Variants in ACACB observed in about 807,000 individuals in gnomAD.
ACACB encodes acetyl-CoA carboxylase beta.
A neutral mutation model predicts 278.8 loss-of-function variants in ACACB; 209 were observed. That is an observed-to-expected ratio of 0.75 (90% CI 0.67 to 0.84). ACACB has a LOEUF of 0.84. Ranked by LOEUF, ACACB falls within the 40% of genes least tolerant of loss-of-function variation. ACACB has a pLI of 0.00. For synonymous variants in ACACB, 1,174 were observed against 1,285.6 expected, an observed-to-expected ratio of 0.91 and a Z score of 1.86; for missense variants, 2,850 against 3,269.0, an observed-to-expected ratio of 0.87 and a Z score of 3.13.
chr12:109,236,793 G>T (rs1430434139), intron 33 of ACACB, among the ~76,000 whole-genome samples: 1 of 151,310 alleles, frequency 6.6e-6, no homozygotes, highest in Non-Finnish European at 1.5e-5. Flanking sequence ...TTTCTTTTCG[G>T]GGACCAATTT....
chr12:109,165,381 G>C (rs1266003379), intron 2 of ACACB, among the ~76,000 whole-genome samples: 1 of 152,088 alleles, frequency 6.6e-6, no homozygotes, highest in Non-Finnish European at 1.5e-5. Context: ...ATGAGATGGG[G>C]TCTTGCTACA....
intron 1 of ACACB, among the ~76,000 whole-genome samples, chr12:109,137,140 T>C (rs981483727): frequency 6.6e-6 from 1 of 152,156 alleles, no homozygotes; most frequent in Non-Finnish European, 1.5e-5. Context: ...GCATGTTACA[T>C]TGACATTGAG....
In ACACB at chr12:109,262,085, G is replaced by A. The variant is rs568359175; in HGVS notation, c.6675-272G>A. On this transcript the variant is annotated intron_variant, in intron 48 of 52. Transcript: ENST00000338432. Reference sequence around the variant, plus strand: ...GGGTTATGCTGCCATGGAAAAAGTCGTACACTCTTAGACCTGAAAGGGGCC... The same window carrying A: ...GGGTTATGCTGCCATGGAAAAAGTCATACACTCTTAGACCTGAAAGGGGCC... 3.6e-4 allele frequency among the ~76,000 whole-genome samples: 54 copies of A among 151,952 alleles called. 1 individual carries two copies. The highest frequency in any genetic ancestry group is 2.2e-4 in the Non-Finnish European group (15 of 67,962).
At chr12:109,125,406 A>G (rs1390846431) in intron 1 of ACACB, 1 of 152,116 alleles carries the variant, frequency 6.6e-6, no homozygotes, top group Non-Finnish European at 1.5e-5. Flanking sequence ...GGTTCCTTTC[A>G]GTGGGAAATG....
rs142989070 is a variant in ACACB, at chr12:109,185,693, C to T, written c.1933C>T (p.Arg645Ter). ...AACCCCCTCAAACCCTCCCCTCGCC[C>T]GAGGCCACGTCATTGCCGCCAGAAT... Reference protein sequence around the residue: ...FETPSNPPLARGHVIAARITS... With the variant: ...FETPSNPPLA The change falls in exon 12 of 53, where the codon CGA (arginine) becomes TGA (stop). Residue 645 changes from arginine to a stop codon, truncating the protein, a stop_gained. Transcript: ENST00000338432. LOFTEE classifies it high-confidence loss of function. The T allele has an allele frequency of 9.3e-6, 15 of 1,613,252 alleles. No homozygotes were observed. The Admixed American group carries it at 1.2e-4, about 13-fold the overall frequency.
chr12:109,239,757 G>A, intron 34 of ACACB, 73 bp from the exon 35 acceptor site: 1 of 1,467,298 alleles, frequency 6.8e-7, no homozygotes. Context: ...CCTCTTTGGG[G>A]CTGAGTTTCC....
At chr12:109,264,181 T>C (rs2047451504) in intron 49 of ACACB, 51 bp from the exon 50 acceptor site, 2 of 1,565,802 alleles carry the variant, frequency 1.3e-6, no homozygotes, top group Middle Eastern at 1.7e-4. Context: ...CTCCACCCCA[T>C]CACATATGAC....
At chr12:109,207,330 C>T (rs560893308) in intron 20 of ACACB, among the ~76,000 whole-genome samples, 2 of 152,342 alleles carry the variant, frequency 1.3e-5, no homozygotes, top group South Asian at 4.1e-4. Context: ...CTGACTTTTT[C>T]TCCTTGATCG....
intron 9 of ACACB, among the ~76,000 whole-genome samples, chr12:109,176,692 C>T (rs1436134838): frequency 2.6e-5 from 4 of 152,212 alleles, no homozygotes; most frequent in Non-Finnish European, 5.9e-5. Flanking sequence ...TCTCAGCTCA[C>T]TGCAACCTCT....
At position 109,234,139 on chromosome 12, in the gene ACACB, T is replaced by C. The variant is rs1258663472; in HGVS notation, c.4347+94T>C. ...GCGGCCCTTGGGGAGGCAGGCGTGC[T>C]GAGTACTTCAGAGCCACAGACCTGG... is the stretch of plus-strand genomic sequence containing the variant. On this transcript the variant is annotated intron_variant, in intron 31 of 52. Coordinates refer to ENST00000338432, the MANE Select transcript of ACACB (RefSeq NM_001093.4). 3.8e-6 allele frequency: 4 copies of C among 1,043,430 alleles called. No homozygotes were observed. In the African/African-American group the frequency reaches 6.3e-5, roughly 17 times the overall value. The allele number at this position is 1,043,430 out of a possible 1,614,324, so 64.6% of individuals were successfully genotyped here. A position where few individuals can be genotyped will look rare whatever the true frequency, so the allele number is the denominator to read the frequency against.
chr12:109,192,740 C>T (rs563232806), intron 15 of ACACB, among the ~76,000 whole-genome samples: 1 of 152,182 alleles, frequency 6.6e-6, no homozygotes, highest in East Asian at 1.9e-4. Flanking sequence ...CAGCTCACTG[C>T]AGCCTGGACT....
chr12:109,124,551 T>C (rs556410398), intron 1 of ACACB, among the ~76,000 whole-genome samples: 25 of 152,366 alleles, frequency 1.6e-4, no homozygotes, highest in Non-Finnish European at 2.8e-4. Context: ...CAGTCTGACC[T>C]CCGTCGTAAA....
Position 109,167,999 on chromosome 12 carries a change from T to G in ACACB, c.890T>G (p.Val297Gly). 1 of 1,613,524 alleles carries G rather than the reference T, an allele frequency of 6.2e-7. No individual in the cohort carries two copies. The highest frequency in any genetic ancestry group is 8.5e-7 in the Non-Finnish European group (1 of 1,179,756). ...AACGAGCGGGCCATCCGGTTTGTTG[T>G]GATGGTGACCCCCGAGGACCTTAAG... ...FRNERAIRFV[V>G]MVTPEDLKAN... Residue 297 changes from valine (V) to glycine (G), a missense_variant, in exon 4 of 53, where the codon GTG becomes GGG. By Grantham distance (109) the Val-to-Gly change is moderately radical. Around this residue, in one of 3 missense-constraint regions of ACACB, gnomAD observed 2,265 missense variants for 2,561.3 expected, o/e 0.88. Coordinates refer to ENST00000338432, the MANE Select transcript of ACACB (RefSeq NM_001093.4).
At chr12:109,223,020 A>G in intron 26 of ACACB, 108 bp downstream of exon 26, 1 of 864,190 alleles carries the variant, frequency 1.2e-6, no homozygotes, top group Non-Finnish European at 1.9e-6. Flanking sequence ...AGTGGGGTGC[A>G]GGGCACAGCC....
At chr12:109,197,496 A>G (rs563843261) in intron 17 of ACACB, among the ~76,000 whole-genome samples, 3 of 152,144 alleles carry the variant, frequency 2.0e-5, no homozygotes, top group Non-Finnish European at 4.4e-5. Flanking sequence ...TTAGTGCGGC[A>G]GTGACCTACT....
chr12:109,133,467 G>C (rs1268755105), intron 1 of ACACB, among the ~76,000 whole-genome samples: 1 of 152,134 alleles, frequency 6.6e-6, no homozygotes, highest in Non-Finnish European at 1.5e-5. Flanking sequence ...CTGAGCTCAA[G>C]AGATCTGCCC....
chr12:109,231,324 A>AT lies in ACACB; in HGVS notation c.4002-1336dup, dbSNP rs1242481646. 1.5e-4 allele frequency among the ~76,000 whole-genome samples: 23 copies of AT among 151,688 alleles called. No individual in the cohort carries two copies. The South Asian group carries it at 2.7e-3, about 18-fold the overall frequency. Reference sequence around the variant, plus strand: ...TTTTTCCAGCAGAAGCAGGAAATCTATTTTTTTTTAACCTGAAGTCCTTCC... The same window carrying AT: ...TTTTTCCAGCAGAAGCAGGAAATCTATTTTTTTTTTAACCTGAAGTCCTTCC... On this transcript the variant is annotated intron_variant, in intron 28 of 52. Coordinates refer to ENST00000338432, the MANE Select transcript of ACACB (RefSeq NM_001093.4).
rs1237700765 is a variant in ACACB, at chr12:109,246,300, T to C, written c.5423T>C (p.Leu1808Pro). Residue 1808 changes from leucine to proline, a missense_variant, in exon 39 of 53, where the codon CTT becomes CCT. By Grantham distance (98) the Leu-to-Pro change is moderately conservative. Around this residue, in one of 3 missense-constraint regions of ACACB, gnomAD observed 2,265 missense variants for 2,561.3 expected, o/e 0.88. Transcript: ENST00000338432. ...GGATCCTTTGGCCCTGGAGAGGACCTTCTGTACCTGCGGGCATCCGAGATG... is the reference window on the plus strand; with the variant it reads ...GGATCCTTTGGCCCTGGAGAGGACCCTCTGTACCTGCGGGCATCCGAGATG... ...RIGSFGPGED[L>P]LYLRASEMAR... 1.2e-6 allele frequency: 2 copies of C among 1,612,724 alleles called. No individual in the cohort carries two copies. Among genetic ancestry groups the C allele is most frequent in the South Asian group, 1.1e-5 (1 of 90,954 alleles).
intron 34 of ACACB, among the ~76,000 whole-genome samples, 160 bp from the exon 35 acceptor site, chr12:109,239,670 G>A (rs757579689): frequency 2.6e-5 from 4 of 152,238 alleles, no homozygotes; most frequent in African/African-American, 9.6e-5. Flanking sequence ...CAGTCCCTTC[G>A]CCTCTGAGAG....
Sources: allele counts gnomAD v4.1 joint callset (sites outside exome capture counted in the v4.1 genomes callset), GRCh38; gene constraint gnomAD v4.1.1; regional missense constraint gnomAD v4.1.1; transcripts MANE v1.5; gene names NCBI Gene and HGNC (gene_info 2026-07-23, HGNC 2026-07-21).